The following SKAP1 variants were observed in gnomAD, a reference collection of about 807,000 sequenced individuals.
SKAP1 encodes the protein src kinase associated phosphoprotein 1, also known as src kinase-associated phosphoprotein 1.
A neutral mutation model predicts 58.5 loss-of-function variants in SKAP1; 44 were observed. The ratio of observed to expected loss-of-function variants is 0.75; its 90% CI spans 0.59 to 0.97. The LOEUF (loss-of-function observed/expected upper bound fraction) is 0.97, where lower values mean the gene tolerates loss of function less well. Among genes scored for constraint, SKAP1 ranks in the 50% least tolerant of loss-of-function variants. SKAP1 has a pLI of 0.00. For missense variants in SKAP1, 390 were observed against 435.2 expected, an observed-to-expected ratio of 0.90 and a Z score of 0.92; for synonymous variants, 127 against 149.7, an observed-to-expected ratio of 0.85 and a Z score of 1.11.
In SKAP1 at chr17:48,153,475, C is replaced by CT. The variant is rs1598371326; in HGVS notation, c.978+8993_978+8994insA. On this transcript the variant is annotated intron_variant, in intron 11 of 12. Transcript: ENST00000336915. ...AAATCCCATTCCCATCCTCCTAACT[C>CT]CGTTGCCTCCCATAGGGGTTATTAA... is the stretch of plus-strand genomic sequence containing the variant. Among the ~76,000 whole-genome samples, 9 of 152,308 alleles carry CT rather than the reference C, an allele frequency of 5.9e-5. No homozygotes were observed. In the East Asian group the frequency reaches 9.6e-4, roughly 16 times the overall value.
intron 3 of SKAP1, among the ~76,000 whole-genome samples, chr17:48,358,130 T>C (rs1296871494): frequency 6.6e-6 from 1 of 152,210 alleles, no homozygotes; most frequent in Admixed American, 6.5e-5. Flanking sequence ...GGTGGAAAGA[T>C]ACTTAACAAT....
At chr17:48,166,870 T>C (rs1022548560) in intron 10 of SKAP1, among the ~76,000 whole-genome samples, 4 of 103,676 alleles carry the variant, frequency 3.9e-5, no homozygotes, top group Admixed American at 3.8e-4. Flanking sequence ...AATTTTTCCT[T>C]TTTTTTTTTT....
At chr17:48,342,574 T>C (rs193144520) in intron 4 of SKAP1, among the ~76,000 whole-genome samples, 1 of 152,332 alleles carries the variant, frequency 6.6e-6, no homozygotes, top group African/African-American at 2.4e-5. Context: ...ACTAAAATTA[T>C]GGGTGGATGG....
intron 4 of SKAP1, among the ~76,000 whole-genome samples, chr17:48,227,573 C>T (rs1365834798): frequency 6.6e-6 from 1 of 152,116 alleles, no homozygotes; most frequent in Non-Finnish European, 1.5e-5. Context: ...GAATTCTTTA[C>T]CTCTAGTGGA....
At chr17:48,341,002 C>T (rs2066643611) in intron 4 of SKAP1, among the ~76,000 whole-genome samples, 1 of 152,180 alleles carries the variant, frequency 6.6e-6, no homozygotes, top group Admixed American at 6.5e-5. Flanking sequence ...TATTGGAACT[C>T]TATTCCCTCA....
chr17:48,221,112 T>A (rs1442806105), intron 4 of SKAP1, among the ~76,000 whole-genome samples: 1 of 151,392 alleles, frequency 6.6e-6, no homozygotes, highest in Non-Finnish European at 1.5e-5. Flanking sequence ...ACTAAAAATA[T>A]AAAAATTAGC....
chr17:48,390,903 C>T (rs1040056304), intron 2 of SKAP1, among the ~76,000 whole-genome samples: 3 of 152,038 alleles, frequency 2.0e-5, no homozygotes, highest in African/African-American at 4.8e-5. Flanking sequence ...GGTGAAACCC[C>T]GTCTTCACTA....
At chr17:48,430,757 A>G (rs1598696542), upstream of SKAP1, among the ~76,000 whole-genome samples, 1 of 152,236 alleles carries the variant, frequency 6.6e-6, no homozygotes. Flanking sequence ...GCAGCAAGGG[A>G]CACAGGAAAC....
At chr17:48,342,845 C>G (rs1265575438) in intron 4 of SKAP1, among the ~76,000 whole-genome samples, 3 of 152,000 alleles carry the variant, frequency 2.0e-5, no homozygotes, top group Non-Finnish European at 2.9e-5. Flanking sequence ...ATTAGCCAGG[C>G]GCGGTGGCCG....
chr17:48,170,711 T>TA, intron 9 of SKAP1, 52 bp from the exon 10 acceptor site: 11 of 1,459,818 alleles, frequency 7.5e-6, no homozygotes, highest in South Asian at 1.2e-5. Context: ...AGTCTCATGT[T>TA]CTTTTTTTTT....
chr17:48,164,578 C>A (rs1441713641), intron 10 of SKAP1, among the ~76,000 whole-genome samples: 1 of 151,926 alleles, frequency 6.6e-6, no homozygotes, highest in Non-Finnish European at 1.5e-5. Context: ...CAAAAGATCA[C>A]AGGGAAAGCA....
intron 4 of SKAP1, among the ~76,000 whole-genome samples, chr17:48,271,365 T>C (rs1215149961): frequency 7.1e-6 from 1 of 140,208 alleles, no homozygotes; most frequent in Non-Finnish European, 1.6e-5. Flanking sequence ...TTTGTTTCTT[T>C]TTTTTTTTTT....
intron 4 of SKAP1, among the ~76,000 whole-genome samples, chr17:48,229,416 T>C (rs921561870): frequency 6.6e-6 from 1 of 151,364 alleles, no homozygotes; most frequent in African/African-American, 2.4e-5. Context: ...AGGTCAGGAG[T>C]TTGTGACTAG....
At chr17:48,143,152 C>A (rs191954071) in intron 11 of SKAP1, among the ~76,000 whole-genome samples, 1 of 148,764 alleles carries the variant, frequency 6.7e-6, no homozygotes, top group Non-Finnish European at 1.5e-5. Context: ...CCCTACAGTT[C>A]GCAACGTCTT....
At chr17:48,158,312 C>T (rs989648472) in intron 11 of SKAP1, among the ~76,000 whole-genome samples, 25 of 151,322 alleles carry the variant, frequency 1.7e-4, no homozygotes, top group Admixed American at 1.3e-4. Context: ...TTTGGGAGGC[C>T]GAGGCGGGCG....
intron 4 of SKAP1, among the ~76,000 whole-genome samples, chr17:48,283,914 C>G (rs1030824936): frequency 1.5e-4 from 23 of 152,186 alleles, no homozygotes; most frequent in African/African-American, 5.1e-4. Flanking sequence ...ACCTGTCATT[C>G]TTGGAACACC....
intron 4 of SKAP1, among the ~76,000 whole-genome samples, chr17:48,246,751 A>G (rs1018911979): frequency 1.2e-4 from 18 of 152,182 alleles, no homozygotes. Flanking sequence ...ACTCTAATCT[A>G]AACTGACTGA....
intron 9 of SKAP1, among the ~76,000 whole-genome samples, chr17:48,176,577 G>T (rs208014): frequency 1.3e-5 from 2 of 152,090 alleles, no homozygotes; most frequent in African/African-American, 4.8e-5. Flanking sequence ...AAAAATCAAG[G>T]GCCCACATAT....
intron 4 of SKAP1, among the ~76,000 whole-genome samples, chr17:48,319,893 AT>A (rs957168907): frequency 3.9e-4 from 59 of 152,294 alleles, no homozygotes; most frequent in African/African-American, 1.4e-3. Context: ...CTCTCTTTTA[AT>A]AAAAATTTTG....
Sources: allele counts gnomAD v4.1 joint callset (sites outside exome capture counted in the v4.1 genomes callset), GRCh38; gene constraint gnomAD v4.1.1; transcripts MANE v1.5; gene names NCBI Gene and HGNC (gene_info 2026-07-23, HGNC 2026-07-21).